Variants in TBC1D22A observed in about 807,000 individuals in gnomAD.
The protein encoded by TBC1D22A is TBC1 domain family member 22A, also known as putative GTPase activator.
Under a neutral mutation model 60.2 loss-of-function variants are expected in TBC1D22A, and 38 were observed. The observed-to-expected ratio is 0.63, with a 90% CI of 0.49 to 0.83. TBC1D22A has a LOEUF of 0.83. Ranked by LOEUF, TBC1D22A falls within the 40% of genes least tolerant of loss-of-function variation. The probability of loss-of-function intolerance (pLI) is 0.00; values close to 1 mark genes in which losing one functional copy is unlikely to be tolerated. For missense variants in TBC1D22A, 628 were observed against 701.0 expected (o/e 0.90, Z 1.18); for synonymous variants, 302 against 281.7 (o/e 1.07, Z -0.72).
intron 11 of TBC1D22A, among the ~76,000 whole-genome samples, chr22:47,080,900 A>T (rs2064437351): frequency 6.6e-6 from 1 of 152,158 alleles, no homozygotes; most frequent in Non-Finnish European, 1.5e-5. Context: ...AGGTGGGTGG[A>T]TCACGAGGTC....
At chr22:47,047,725 T>G in intron 11 of TBC1D22A, among the ~76,000 whole-genome samples, 1 of 152,236 alleles carries the variant, frequency 6.6e-6, no homozygotes, top group East Asian at 1.9e-4. Context: ...TGGAAGAAGC[T>G]TGCCCCATCC....
At chr22:47,027,018 T>G (rs187323360) in intron 10 of TBC1D22A, among the ~76,000 whole-genome samples, 2 of 152,316 alleles carry the variant, frequency 1.3e-5, no homozygotes, top group East Asian at 1.9e-4. Flanking sequence ...TCAAGAATTA[T>G]AAAGCTTCAG....
chr22:47,022,202 C>G (rs2062112730), intron 10 of TBC1D22A, among the ~76,000 whole-genome samples: 1 of 152,208 alleles, frequency 6.6e-6, no homozygotes, highest in Non-Finnish European at 1.5e-5. Flanking sequence ...CCTGTACACC[C>G]AGTGCTCTAG....
intron 8 of TBC1D22A, among the ~76,000 whole-genome samples, chr22:46,951,722 C>CA (rs1439143533): frequency 6.6e-6 from 1 of 152,200 alleles, no homozygotes; most frequent in Non-Finnish European, 1.5e-5. Context: ...CAGATCCATG[C>CA]AAAATTCATA....
At chr22:47,137,277 A>G (rs75666192) in intron 12 of TBC1D22A, among the ~76,000 whole-genome samples, 2,699 of 152,290 alleles carry the variant, frequency 0.018, 89 homozygotes, top group African/African-American at 0.062. Context: ...TTAATTCCTC[A>G]TGCAAAGAAA....
At chr22:47,110,133 G>A (rs561635840) in intron 11 of TBC1D22A, among the ~76,000 whole-genome samples, 2 of 152,178 alleles carry the variant, frequency 1.3e-5, no homozygotes, top group African/African-American at 4.8e-5. Flanking sequence ...TAACCACAGG[G>A]TCTCTGTGTT....
At chr22:47,091,019 A>G (rs181805803) in intron 11 of TBC1D22A, among the ~76,000 whole-genome samples, 57 of 113,556 alleles carry the variant, frequency 5.0e-4, no homozygotes, top group African/African-American at 2.0e-3. Context: ...GCTTGTTGAT[A>G]GAGACAGGCA....
At chr22:47,093,611 A>T (rs897387341) in intron 11 of TBC1D22A, among the ~76,000 whole-genome samples, 2 of 152,150 alleles carry the variant, frequency 1.3e-5, no homozygotes. Context: ...TATTTAAACC[A>T]GTCAATTGGT....
In TBC1D22A at chr22:47,089,724, C is replaced by G. The variant is rs117570670; in HGVS notation, c.1330-21784C>G. Among the ~76,000 whole-genome samples, 2 of 152,168 alleles carry G rather than the reference C, an allele frequency of 1.3e-5. 1 individual carries two copies. The highest frequency in any genetic ancestry group is 4.2e-4 in the South Asian group (2 of 4,812). On this transcript the variant is annotated intron_variant, in intron 11 of 12. Coordinates refer to ENST00000337137, the MANE Select transcript of TBC1D22A (RefSeq NM_014346.5). ...CTGTATAATTTTCCTTGTTTTAGAT[C>G]GTAAGAAATTCTTCTCACTGTTCCA...
intron 3 of TBC1D22A, among the ~76,000 whole-genome samples, chr22:46,796,982 C>G (rs948646411): frequency 7.9e-5 from 12 of 152,238 alleles, no homozygotes; most frequent in African/African-American, 2.4e-4. Flanking sequence ...TGCTGTGTCC[C>G]CACTGTTGCC....
chr22:46,820,282 ATTAG>A (rs1055620290), intron 4 of TBC1D22A, among the ~76,000 whole-genome samples: 1 of 151,418 alleles, frequency 6.6e-6, no homozygotes, highest in Non-Finnish European at 1.5e-5. Context: ...TAGCTTTTGG[ATTAG>A]TTTGCTCTTG....
intron 10 of TBC1D22A, among the ~76,000 whole-genome samples, chr22:46,999,901 T>G (rs2075254557): frequency 6.6e-6 from 1 of 152,074 alleles, no homozygotes. Context: ...GGCAGGCGCC[T>G]GGAGTCCCAG....
At chr22:46,837,491 T>G (rs1440005382) in intron 4 of TBC1D22A, among the ~76,000 whole-genome samples, 3 of 152,178 alleles carry the variant, frequency 2.0e-5, no homozygotes, top group Non-Finnish European at 2.9e-5. Flanking sequence ...GATCATTTAT[T>G]GGACCACAAA....
chr22:46,853,765 C>G (rs1283724223), intron 4 of TBC1D22A, among the ~76,000 whole-genome samples: 1 of 152,070 alleles, frequency 6.6e-6, no homozygotes, highest in Non-Finnish European at 1.5e-5. Context: ...ACTTACTGAG[C>G]ACTCACTCGA....
chr22:46,763,070 A>T (rs1382407850), intron 1 of TBC1D22A, among the ~76,000 whole-genome samples: 2 of 151,870 alleles, frequency 1.3e-5, no homozygotes, highest in African/African-American at 2.4e-5. Context: ...AAGGACGAGG[A>T]GGAGCTATTG....
chr22:47,031,479 G>A (rs1441782944), intron 10 of TBC1D22A, among the ~76,000 whole-genome samples: 2 of 152,236 alleles, frequency 1.3e-5, no homozygotes, highest in African/African-American at 2.4e-5. Context: ...TGAGGTTAAC[G>A]CTGTGTCCGG....
intron 4 of TBC1D22A, among the ~76,000 whole-genome samples, chr22:46,815,727 G>C (rs1322782356): frequency 6.6e-6 from 1 of 152,204 alleles, no homozygotes; most frequent in Admixed American, 6.5e-5. Flanking sequence ...CCCTGTAGCA[G>C]CTCATCCATG....
chr22:47,161,397 A>G (rs1004215893), intron 12 of TBC1D22A, among the ~76,000 whole-genome samples: 2 of 151,898 alleles, frequency 1.3e-5, no homozygotes, highest in Non-Finnish European at 2.9e-5. Context: ...TAACCTTTAC[A>G]CTCACAGGAG....
intron 8 of TBC1D22A, among the ~76,000 whole-genome samples, chr22:46,919,025 A>G (rs1282779105): frequency 6.6e-6 from 1 of 152,208 alleles, no homozygotes; most frequent in East Asian, 1.9e-4. Flanking sequence ...CATAACGTTT[A>G]CCCACTTAGA....
Sources: allele counts gnomAD v4.1 joint callset (sites outside exome capture counted in the v4.1 genomes callset), GRCh38; gene constraint gnomAD v4.1.1; transcripts MANE v1.5; gene names NCBI Gene and HGNC (gene_info 2026-07-23, HGNC 2026-07-21).